CTH: variants seen among roughly 807,000 people sequenced by gnomAD.
CTH encodes the protein cystathionase (cystathionine gamma-lyase).
CTH carries 41 observed loss-of-function variants against 50.6 expected under a neutral mutation model. The ratio of observed to expected loss-of-function variants is 0.81; its 90% confidence interval spans 0.63 to 1.05. CTH has a LOEUF of 1.05. Ranked by LOEUF, CTH falls within the 50% of genes least tolerant of loss-of-function variation. The pLI, the probability that CTH is intolerant of heterozygous loss-of-function variation, is 0.00. For synonymous variants in CTH, 156 were observed against 168.9 expected (o/e 0.92, Z 0.59); for missense variants, 470 against 492.6 (o/e 0.95, Z 0.43).
rs767405932 is a variant in CTH, at chr1:70,416,034, T to G, written c.247T>G (p.Tyr83Asp). Reference sequence around the variant, plus strand: ...AGTGGCAGCACTGGATGGGGCTAAGTACTGTAAGTAATTTCCATTTCACAG... The same window carrying G: ...AGTGGCAGCACTGGATGGGGCTAAGGACTGTAAGTAATTTCCATTTCACAG... ...KAVAALDGAK[Y>D]CLAFASGLAA... Residue 83 changes from tyrosine to aspartate, a missense_variant, in exon 2 of 12, where the codon TAC becomes GAC. Physicochemically the swap from Tyr to Asp is radical, Grantham distance 160. Coordinates refer to ENST00000370938, the MANE Select transcript of CTH (RefSeq NM_001902.6). 6.5e-7 allele frequency: 1 copy of G among 1,531,658 alleles called. No individual in the cohort carries two copies. Among genetic ancestry groups the G allele is most frequent in the Non-Finnish European group, 9.1e-7 (1 of 1,104,838 alleles). 94.9% of individuals were successfully genotyped at this position (1,531,658 alleles called of 1,614,324 possible).
chr1:70,434,095 A>C, intron 9 of CTH, 146 bp downstream of exon 9: 3 of 1,360,480 alleles, frequency 2.2e-6, no homozygotes, highest in Non-Finnish European at 3.0e-6. Flanking sequence ...ATTGGGTTGA[A>C]AACAACTTAA....
intron 1 of CTH, among the ~76,000 whole-genome samples, chr1:70,413,141 TACAG>T (rs1684007204): frequency 6.6e-6 from 1 of 152,224 alleles, no homozygotes; most frequent in African/African-American, 2.4e-5. Context: ...GGAAAATCCT[TACAG>T]ACAGTCCCTT....
chr1:70,422,181 G>C (rs1169935414), intron 4 of CTH, among the ~76,000 whole-genome samples: 1 of 152,194 alleles, frequency 6.6e-6, no homozygotes, highest in Non-Finnish European at 1.5e-5. Flanking sequence ...CAAACTCGAA[G>C]CACAGTGGCT....
At chr1:70,414,062 G>A (rs1684034216) in intron 1 of CTH, among the ~76,000 whole-genome samples, 1 of 151,808 alleles carries the variant, frequency 6.6e-6, no homozygotes, top group Admixed American at 6.6e-5. Flanking sequence ...ACCACTAAAG[G>A]GAATTTGAAG....
At chr1:70,432,461 T>C (rs917529159) in intron 8 of CTH, among the ~76,000 whole-genome samples, 3 of 152,186 alleles carry the variant, frequency 2.0e-5, no homozygotes, top group African/African-American at 7.2e-5. Flanking sequence ...GCTTGGATAG[T>C]AGAAAATCAG....
intron 4 of CTH, among the ~76,000 whole-genome samples, chr1:70,422,554 ACTTGTTTTTTAT>A (rs1021983090): frequency 5.3e-5 from 8 of 151,804 alleles, no homozygotes; most frequent in African/African-American, 1.9e-4. Context: ...TTCCAGAAGA[ACTTGTTTTTTAT>A]CTTGCTTGGG....
chr1:70,416,233 T>A (rs972484284), intron 2 of CTH, among the ~76,000 whole-genome samples, 196 bp downstream of exon 2: 2 of 152,084 alleles, frequency 1.3e-5, no homozygotes, highest in Non-Finnish European at 2.9e-5. Flanking sequence ...AAAATACGTA[T>A]GAATAGAGGA....
Position 70,411,294 on chromosome 1 carries a change from T to G in CTH, c.-122T>G. ...CCGCTTTAGTGCGCTCGCCGTCGGC[T>G]CTACCTGCGTGCTTTAGCTCCTTCT... On this transcript the variant is annotated 5_prime_UTR_variant, in exon 1 of 12. Coordinates refer to ENST00000370938, the MANE Select transcript of CTH (RefSeq NM_001902.6). 1 of 987,334 alleles carries G rather than the reference T, an allele frequency of 1.0e-6. No individual in the cohort carries two copies. Among genetic ancestry groups the G allele is most frequent in the Non-Finnish European group, 1.6e-6 (1 of 608,954 alleles). 61.2% of individuals were successfully genotyped at this position (987,334 alleles called of 1,614,324 possible).
At chr1:70,437,908 T>C (rs1684631529) in intron 10 of CTH, among the ~76,000 whole-genome samples, 1 of 152,206 alleles carries the variant, frequency 6.6e-6, no homozygotes. Flanking sequence ...AAATTTCTCC[T>C]TCCCTGGAAC....
At chr1:70,423,008 C>A (rs1172480362) in intron 4 of CTH, among the ~76,000 whole-genome samples, 3 of 152,204 alleles carry the variant, frequency 2.0e-5, no homozygotes, top group Admixed American at 1.3e-4. Context: ...GAATTAATAC[C>A]TTTTCCTTCC....
chr1:70,432,339 T>G, intron 8 of CTH, 104 bp downstream of exon 8: 2 of 1,399,748 alleles, frequency 1.4e-6, no homozygotes, highest in East Asian at 4.7e-5. Flanking sequence ...TTTCACGTAT[T>G]GTTTTTGTTC....
intron 1 of CTH, among the ~76,000 whole-genome samples, chr1:70,412,571 G>T (rs1405511570): frequency 6.6e-6 from 1 of 152,206 alleles, no homozygotes; most frequent in African/African-American, 2.4e-5. Flanking sequence ...TTGTGCTCCA[G>T]CCTGGGTGAC....
chr1:70,411,474 C>G lies in CTH; in HGVS notation c.59C>G (p.Thr20Arg). 1 of 1,614,176 alleles carries G rather than the reference C, an allele frequency of 6.2e-7. No individual in the cohort carries two copies. Among genetic ancestry groups the G allele is most frequent in the Non-Finnish European group, 8.5e-7 (1 of 1,180,034 alleles). ...CTGCCACACTTCCAACATTTCGCCA[C>G]GCAGGCGATCCATGTGGGCCAGGAT... ...GFLPHFQHFA[T>R]QAIHVGQDPE... is the part of the protein sequence containing the mutation. The change falls in exon 1 of 12, where the codon ACG becomes AGG. Residue 20 changes from threonine (T) to arginine (R), a missense_variant. Transcript: ENST00000370938.
At position 70,432,213 on chromosome 1, in the gene CTH, G is replaced by A; in HGVS notation, c.855G>A (p.Trp285Ter). The A allele has an allele frequency of 6.2e-7, 1 of 1,614,092 alleles. No individual in the cohort carries two copies. Among genetic ancestry groups the A allele is most frequent in the Non-Finnish European group, 8.5e-7 (1 of 1,180,016 alleles). The change falls in exon 8 of 12, where the codon TGG becomes TGA. Residue 285 changes from tryptophan to a stop codon, truncating the protein, a stop_gained. Transcript: ENST00000370938. LOFTEE classifies it high-confidence loss of function. ...AVAQFLESNP[W>*]VEKVIYPGLP... is the part of the protein sequence containing the mutation. The stretch of plus-strand genomic sequence containing the variant: ...CCCAGTTCCTGGAATCTAATCCTTG[G>A]GTAGAAAAGGTTATTTATCCTGGTA...
chr1:70,433,168 C>T (rs1684518177), intron 8 of CTH, among the ~76,000 whole-genome samples: 1 of 152,124 alleles, frequency 6.6e-6, no homozygotes, highest in South Asian at 2.1e-4. Context: ...AGGGTTCTAG[C>T]ATCTAGAATA....
intron 1 of CTH, among the ~76,000 whole-genome samples, 185 bp from the exon 2 acceptor site, chr1:70,415,771 G>C (rs1051537306): frequency 6.6e-6 from 1 of 152,162 alleles, no homozygotes. Context: ...TTCACATAGA[G>C]TTTGTTTGAC....
chr1:70,422,743 C>G (rs1684253525), intron 4 of CTH, among the ~76,000 whole-genome samples: 1 of 151,828 alleles, frequency 6.6e-6, no homozygotes, highest in Admixed American at 6.6e-5. Context: ...TACCGAGTAG[C>G]TGGGATTACA....
intron 2 of CTH, among the ~76,000 whole-genome samples, chr1:70,416,945 G>A (rs937196315): frequency 4.0e-5 from 6 of 151,716 alleles, no homozygotes; most frequent in African/African-American, 1.2e-4. Flanking sequence ...TGCCCACCTC[G>A]GCCTCCCAAA....
Position 70,439,261 on chromosome 1 carries a change from T to G in CTH, c.*134T>G. The G allele has an allele frequency of 1.3e-6, 1 of 793,210 alleles. No homozygotes were observed. Among genetic ancestry groups the G allele is most frequent in the Non-Finnish European group, 2.2e-6 (1 of 454,106 alleles). 49.1% of individuals were successfully genotyped at this position (793,210 alleles called of 1,614,324 possible). The stretch of plus-strand genomic sequence containing the variant: ...GGCACCTCATTATCTTTCATAACTG[T>G]AATTTTCTTAGGGATCATCTCTGTT... On this transcript the variant is annotated 3_prime_UTR_variant, in exon 12 of 12. Coordinates refer to ENST00000370938, the MANE Select transcript of CTH (RefSeq NM_001902.6).
Sources: gnomAD v4.1 joint callset for allele counts (sites outside exome capture counted in the v4.1 genomes callset) on GRCh38, gnomAD v4.1.1 for gene constraint, MANE v1.5 for transcripts, NCBI Gene and HGNC (gene_info 2026-07-23, HGNC 2026-07-21) for gene names.